The following PLEKHS1 variants were observed in gnomAD, a reference collection of about 807,000 sequenced individuals.
The protein encoded by PLEKHS1 is pleckstrin homology domain containing S1.
PLEKHS1 carries 55 observed loss-of-function variants against 51.0 expected under a neutral mutation model. The ratio of observed to expected loss-of-function variants is 1.08; its 90% CI spans 0.87 to 1.35. The LOEUF (loss-of-function observed/expected upper bound fraction) is 1.35. Ranked by LOEUF, PLEKHS1 falls within the 40% of genes most tolerant of loss-of-function variation. The pLI, the probability that PLEKHS1 is intolerant of heterozygous loss-of-function variation, is 0.00. For missense variants in PLEKHS1, 398 were observed against 423.0 expected, an observed-to-expected ratio of 0.94 and a Z score of 0.52; for synonymous variants, 153 against 144.8, an observed-to-expected ratio of 1.06 and a Z score of -0.41.
exon 4 of PLEKHS1, chr10:113,766,624 A>C: frequency 6.2e-7 from 1 of 1,608,298 alleles, no homozygotes; most frequent in Non-Finnish European, 8.5e-7. Context: ...CTCTTGGAAA[A>C]AGCGGTTTTT....
chr10:113,754,336 G>T (rs1853997526), intron 1 of PLEKHS1, among the ~76,000 whole-genome samples: 2 of 152,298 alleles, frequency 1.3e-5, no homozygotes, highest in South Asian at 4.1e-4. Context: ...TAAGGTAAAA[G>T]TTAGTCATAC....
chr10:113,753,548 C>T (rs1853951704), intron 1 of PLEKHS1, among the ~76,000 whole-genome samples: 1 of 152,082 alleles, frequency 6.6e-6, no homozygotes, highest in African/African-American at 2.4e-5. Context: ...GCTAAGGGCA[C>T]CGGTTCTTCA....
Position 113,780,864 on chromosome 10 carries a change from G to A in PLEKHS1, c.*262G>A, listed in dbSNP as rs79439030. On this transcript the variant is annotated 3_prime_UTR_variant, in exon 12 of 12. Coordinates refer to ENST00000361048, the Ensembl canonical transcript of PLEKHS1. ...CCCCTGCTGCTGCCATGTGATAGGAGACAGTCGGCACCCCCCTCTGAATTT... is the reference window on the plus strand; with the variant it reads ...CCCCTGCTGCTGCCATGTGATAGGAAACAGTCGGCACCCCCCTCTGAATTT... 6,426 of 1,286,632 alleles carry A rather than the reference G, an allele frequency of 5.0e-3. 27 individuals carry two copies. The highest frequency in any genetic ancestry group is 9.5e-3 in the Middle Eastern group (36 of 3,794). 79.7% of individuals were successfully genotyped at this position (1,286,632 alleles called of 1,614,324 possible). A position where few individuals can be genotyped will look rare whatever the true frequency, so the allele number is the denominator to read the frequency against.
intron 2 of PLEKHS1, among the ~76,000 whole-genome samples, chr10:113,766,137 G>C (rs541007797): frequency 6.6e-6 from 1 of 152,206 alleles, no homozygotes; most frequent in South Asian, 2.1e-4. Flanking sequence ...TTGCTCACAC[G>C]TAGAGAGCCA....
rs1853893751 is a variant in PLEKHS1, at chr10:113,752,549, C to A, written c.-20+788C>A. On this transcript the variant is annotated intron_variant, in intron 1 of 11. Coordinates refer to ENST00000361048, the Ensembl canonical transcript of PLEKHS1. ...AACAGGGTATCTCAAGTGATACTCC[C>A]AGCAATCTGATGAGGGTAGTAATAA... Among the ~76,000 whole-genome samples the A allele has an allele frequency of 4.6e-5, 7 of 152,234 alleles. No homozygotes were observed. The South Asian group carries it at 1.5e-3, about 32-fold the overall frequency.
At chr10:113,760,767 T>C (rs1843885166) in intron 2 of PLEKHS1, among the ~76,000 whole-genome samples, 1 of 152,214 alleles carries the variant, frequency 6.6e-6, no homozygotes, top group East Asian at 1.9e-4. Flanking sequence ...AGGTAGTCTT[T>C]TCACTTTCTT....
intron 1 of PLEKHS1, among the ~76,000 whole-genome samples, chr10:113,752,375 A>G (rs141424175): frequency 7.4e-4 from 112 of 152,344 alleles, no homozygotes; most frequent in African/African-American, 2.0e-3. Flanking sequence ...TTTCATATAC[A>G]TATTGCTTAG....
chr10:113,770,462 A>C (rs942461139), intron 7 of PLEKHS1, among the ~76,000 whole-genome samples: 7 of 152,206 alleles, frequency 4.6e-5, no homozygotes, highest in Non-Finnish European at 8.8e-5. Flanking sequence ...TTGGATTTGC[A>C]ATGTTCCCAA....
intron 1 of PLEKHS1, among the ~76,000 whole-genome samples, 197 bp downstream of exon 1, chr10:113,751,958 T>G (rs2134449800): frequency 6.6e-6 from 1 of 152,342 alleles, no homozygotes; most frequent in South Asian, 2.1e-4. Context: ...CTTGGTATAC[T>G]GTATTCACCA....
Position 113,752,607 on chromosome 10 carries a change from A to G in PLEKHS1, c.-20+846A>G, listed in dbSNP as rs183825149. ...GTTACAGATGAAGAAATGGAGGTGT[A>G]GAGAAGTATTATAAAGTATCCAAGA... On this transcript the variant is annotated intron_variant, in intron 1 of 11. Transcript: ENST00000361048. Among the ~76,000 whole-genome samples, 188 of 152,318 alleles carry G rather than the reference A, an allele frequency of 1.2e-3. 4 individuals carry two copies. The highest frequency in any genetic ancestry group is 1.6e-4 in the Non-Finnish European group (11 of 68,022).
At chr10:113,775,811 TCTC>T in exon 11 of PLEKHS1, 2 of 1,613,138 alleles carry the variant, frequency 1.2e-6, no homozygotes, top group East Asian at 4.5e-5. Flanking sequence ...CGTTTTCCTT[TCTC>T]CTCCTGATGT....
intron 1 of PLEKHS1, 109 bp from the exon 2 acceptor site, chr10:113,755,150 T>G (rs1280554241): frequency 8.1e-7 from 1 of 1,240,850 alleles, no homozygotes; most frequent in Non-Finnish European, 1.1e-6. Flanking sequence ...ACAACCCATC[T>G]CAGCAACATT....
chr10:113,756,186 G>A (rs1326396442), intron 2 of PLEKHS1, among the ~76,000 whole-genome samples: 1 of 152,178 alleles, frequency 6.6e-6, no homozygotes, highest in Non-Finnish European at 1.5e-5. Flanking sequence ...TAATAAATAA[G>A]AGTCATTGCC....
At chr10:113,757,844 G>T (rs1716819755) in intron 2 of PLEKHS1, among the ~76,000 whole-genome samples, 1 of 152,162 alleles carries the variant, frequency 6.6e-6, no homozygotes, top group Non-Finnish European at 1.5e-5. Context: ...CCTTTATTGT[G>T]ATTTCAAAAA....
intron 1 of PLEKHS1, among the ~76,000 whole-genome samples, chr10:113,754,737 G>A (rs893515748): frequency 2.6e-5 from 4 of 152,124 alleles, no homozygotes; most frequent in Non-Finnish European, 5.9e-5. Flanking sequence ...ACCCGCCTCA[G>A]CCTCCCAAAG....
intron 11 of PLEKHS1, 179 bp downstream of exon 12, chr10:113,777,438 T>C (rs1426850932): frequency 6.2e-7 from 1 of 1,606,500 alleles, no homozygotes; most frequent in Non-Finnish European, 8.5e-7. Flanking sequence ...TCATATCAAG[T>C]AGCATTTGGA....
chr10:113,759,160 T>C (rs1031662637), intron 2 of PLEKHS1, among the ~76,000 whole-genome samples: 2 of 152,104 alleles, frequency 1.3e-5, no homozygotes, highest in African/African-American at 4.8e-5. Context: ...TCCTAGCACT[T>C]TGGAAGGCTG....
chr10:113,766,606 T>C lies in PLEKHS1; in HGVS notation c.118-6T>C. On this transcript the variant is annotated splice_polypyrimidine_tract_variant and splice_region_variant and intron_variant, in intron 3 of 11. Transcript: ENST00000361048. ...AACTAAGACATAAAATCTTTTTATT[T>C]TTCAGACCTCTTGGAAAAAGCGGTT... 1 of 1,603,182 alleles carries C rather than the reference T, an allele frequency of 6.2e-7. No homozygotes were observed. The highest frequency in any genetic ancestry group is 8.5e-7 in the Non-Finnish European group (1 of 1,176,816).
chr10:113,767,564 A>G (rs903074323), intron 5 of PLEKHS1, 85 bp downstream of exon 5: 8 of 1,353,092 alleles, frequency 5.9e-6, no homozygotes, highest in Non-Finnish European at 7.9e-6. Context: ...ACCAATAAAC[A>G]TGTTCTGAAC....
Sources: gnomAD v4.1 joint callset for allele counts (sites outside exome capture counted in the v4.1 genomes callset) on GRCh38, gnomAD v4.1.1 for gene constraint, MANE v1.5 for transcripts, NCBI Gene and HGNC (gene_info 2026-07-23, HGNC 2026-07-21) for gene names.